Variants in GBE1 observed in about 807,000 individuals in gnomAD.
GBE1 encodes 1,4-alpha-glucan-branching enzyme.
In GBE1, 70 loss-of-function variants were observed where a neutral mutation model predicts 88.8. The ratio of observed to expected loss-of-function variants is 0.79; its 90% CI spans 0.65 to 0.96. The LOEUF (loss-of-function observed/expected upper bound fraction) is 0.96, where lower values mean the gene tolerates loss of function less well. GBE1 is among the 40% of genes least tolerant of loss of function. The probability of loss-of-function intolerance (pLI) is 0.00; values close to 1 mark genes in which losing one functional copy is unlikely to be tolerated. For missense variants in GBE1, 872 were observed against 871.0 expected, an observed-to-expected ratio of 1.00 and a Z score of -0.01; for synonymous variants, 284 against 300.1, an observed-to-expected ratio of 0.95 and a Z score of 0.56.
intron 2 of GBE1, among the ~76,000 whole-genome samples, chr3:81,697,234 G>C (rs1396025614): frequency 6.6e-6 from 1 of 152,102 alleles, no homozygotes; most frequent in Non-Finnish European, 1.5e-5. Flanking sequence ...TTTGTATAAA[G>C]GATATTGCAA....
chr3:81,508,075 T>G (rs574875516), intron 14 of GBE1, among the ~76,000 whole-genome samples: 1 of 152,344 alleles, frequency 6.6e-6, no homozygotes, highest in East Asian at 1.9e-4. Context: ...TTCTGAAATG[T>G]ATTTTCATGC....
At chr3:81,648,046 T>C (rs1260799585) in intron 5 of GBE1, among the ~76,000 whole-genome samples, 1 of 152,044 alleles carries the variant, frequency 6.6e-6, no homozygotes, top group African/African-American at 2.4e-5. Context: ...AAATACTCTA[T>C]ACATTTAATT....
intron 1 of GBE1, among the ~76,000 whole-genome samples, chr3:81,723,511 A>AT (rs540092241): frequency 6.6e-6 from 1 of 152,076 alleles, no homozygotes; most frequent in African/African-American, 2.4e-5. Flanking sequence ...TTCACCTTAG[A>AT]TTTTTTTCTT....
intron 12 of GBE1, among the ~76,000 whole-genome samples, chr3:81,572,065 A>G (rs1703583938): frequency 6.6e-6 from 1 of 152,154 alleles, no homozygotes; most frequent in African/African-American, 2.4e-5. Flanking sequence ...AGTTTCCCCC[A>G]TGCTGTTCTT....
intron 7 of GBE1, among the ~76,000 whole-genome samples, chr3:81,618,878 A>G (rs745887412): frequency 2.0e-5 from 3 of 152,098 alleles, no homozygotes; most frequent in Non-Finnish European, 4.4e-5. Flanking sequence ...AAATCTACTC[A>G]TCAGTCATTT....
intron 1 of GBE1, among the ~76,000 whole-genome samples, chr3:81,717,277 T>C (rs1231230508): frequency 6.6e-6 from 1 of 152,178 alleles, no homozygotes; most frequent in Non-Finnish European, 1.5e-5. Context: ...GTTTCTCTTT[T>C]TGGAAAAATT....
chr3:81,659,957 T>C (rs1704999504), intron 3 of GBE1, among the ~76,000 whole-genome samples: 1 of 152,216 alleles, frequency 6.6e-6, no homozygotes, highest in Non-Finnish European at 1.5e-5. Flanking sequence ...ACACTATCAT[T>C]CTTTTCTCTC....
chr3:81,666,437 A>G (rs562827823), intron 3 of GBE1, among the ~76,000 whole-genome samples: 5 of 152,226 alleles, frequency 3.3e-5, no homozygotes, highest in Admixed American at 6.5e-5. Context: ...CTAAAAATAA[A>G]GGCATTTCAA....
At chr3:81,547,348 G>A (rs943549100) in intron 12 of GBE1, among the ~76,000 whole-genome samples, 5 of 151,584 alleles carry the variant, frequency 3.3e-5, no homozygotes, top group Non-Finnish European at 5.9e-5. Context: ...ACTATGGGAT[G>A]TTAACTGCTA....
chr3:81,619,175 T>C lies in GBE1; in HGVS notation c.992+23606A>G, dbSNP rs188827670. Among the ~76,000 whole-genome samples the C allele has an allele frequency of 5.0e-3, 428 of 85,860 alleles. 1 individual carries two copies. The highest frequency in any genetic ancestry group is 7.3e-3 in the South Asian group (27 of 3,698). The allele number at this position is 85,860 out of a possible 152,430, so 56.3% of individuals were successfully genotyped here. A position where few individuals can be genotyped will look rare whatever the true frequency, so the allele number is the denominator to read the frequency against. ...TATAAAAAGAAGAATAACAACGATATTCTGCAGACCCCTCAGCACCATGGC... is the reference window on the plus strand; with the variant it reads ...TATAAAAAGAAGAATAACAACGATACTCTGCAGACCCCTCAGCACCATGGC... On this transcript the variant is annotated intron_variant, in intron 7 of 15. Transcript: ENST00000429644.
chr3:81,554,431 C>T (rs1703319558), intron 12 of GBE1, among the ~76,000 whole-genome samples: 2 of 152,154 alleles, frequency 1.3e-5, no homozygotes, highest in South Asian at 4.1e-4. Context: ...ACACATGTGG[C>T]TTTGTGGCTA....
In GBE1 at chr3:81,761,623, C is replaced by T. The variant is rs1706693431; in HGVS notation, c.-106G>A. On this transcript the variant is annotated 5_prime_UTR_variant, in exon 1 of 16. Transcript: ENST00000429644. ...GCGGCTAGGGCGGAGCCGGAGGGCG[C>T]CTAGGCGTGTCGAGGCAAGCCGAGG... 6 of 1,408,306 alleles carry T rather than the reference C, an allele frequency of 4.3e-6. No homozygotes were observed. The highest frequency in any genetic ancestry group is 1.5e-5 in the African/African-American group (1 of 67,938). 87.2% of individuals were successfully genotyped at this position (1,408,306 alleles called of 1,614,324 possible). A position where few individuals can be genotyped will look rare whatever the true frequency, so the allele number is the denominator to read the frequency against.
chr3:81,544,360 A>G (rs1279556303), intron 12 of GBE1, among the ~76,000 whole-genome samples: 1 of 151,892 alleles, frequency 6.6e-6, no homozygotes, highest in Non-Finnish European at 1.5e-5. Context: ...CTAACCATCA[A>G]AGCATGATCG....
chr3:81,498,828 T>TA (rs1267485428), intron 15 of GBE1, among the ~76,000 whole-genome samples: 1 of 152,028 alleles, frequency 6.6e-6, no homozygotes, highest in African/African-American at 2.4e-5. Context: ...GAAAGAAAAA[T>TA]AAAAAACTGC....
At chr3:81,540,264 T>C (rs930289609) in intron 12 of GBE1, among the ~76,000 whole-genome samples, 1 of 151,998 alleles carries the variant, frequency 6.6e-6, no homozygotes, top group Non-Finnish European at 1.5e-5. Flanking sequence ...CTGTTAAAAA[T>C]GTTCACCCCT....
intron 2 of GBE1, among the ~76,000 whole-genome samples, chr3:81,682,549 A>C (rs530943262): frequency 6.6e-6 from 1 of 152,338 alleles, no homozygotes; most frequent in South Asian, 2.1e-4. Context: ...TACAAATACA[A>C]ATCAAAACCA....
At chr3:81,701,058 T>A (rs1008401008) in intron 2 of GBE1, among the ~76,000 whole-genome samples, 2 of 152,156 alleles carry the variant, frequency 1.3e-5, no homozygotes, top group Non-Finnish European at 2.9e-5. Flanking sequence ...GAACCAAAAC[T>A]CCAAGTGTAT....
rs377675066 is a variant in GBE1, at chr3:81,759,963, CA to C, written c.143+1411del. Among the ~76,000 whole-genome samples the C allele has an allele frequency of 5.3e-3, 789 of 149,304 alleles. 2 individuals carry two copies. Among genetic ancestry groups the C allele is most frequent in the African/African-American group, 0.018 (738 of 40,938 alleles). On this transcript the variant is annotated intron_variant, in intron 1 of 15. Coordinates refer to ENST00000429644, the MANE Select transcript of GBE1 (RefSeq NM_000158.4). ...ATTAATGTCATGGTTACAAGGACAT[CA>C]AAAAAAAAATCTAACCACTACCTTT...
chr3:81,517,189 AACCTTTAGAAACC>A (rs1178440858), intron 14 of GBE1, among the ~76,000 whole-genome samples: 3 of 151,550 alleles, frequency 2.0e-5, no homozygotes, highest in Admixed American at 6.6e-5. Context: ...TAGCCACCAC[AACCTTTAGAAACC>A]CCACCCTGAT....
Sources: allele counts gnomAD v4.1 joint callset (sites outside exome capture counted in the v4.1 genomes callset), GRCh38; gene constraint gnomAD v4.1.1; transcripts MANE v1.5; gene names NCBI Gene and HGNC (gene_info 2026-07-23, HGNC 2026-07-21).